The following TNS4 variants were observed in gnomAD, a reference collection of about 807,000 sequenced individuals.
TNS4 encodes the protein tensin-4.
TNS4 carries 46 observed loss-of-function variants against 70.4 expected under a neutral mutation model. The ratio of observed to expected loss-of-function variants is 0.65; its 90% CI spans 0.52 to 0.84. The LOEUF (loss-of-function observed/expected upper bound fraction) is 0.84. TNS4 is among the 40% of genes least tolerant of loss of function. The probability of loss-of-function intolerance (pLI) is 0.00; values close to 1 mark genes in which losing one functional copy is unlikely to be tolerated. For synonymous variants in TNS4, 390 were observed against 366.6 expected, an observed-to-expected ratio of 1.06 and a Z score of -0.73; for missense variants, 863 against 907.0, an observed-to-expected ratio of 0.95 and a Z score of 0.62.
intron 6 of TNS4, 135 bp downstream of exon 6, chr17:40,484,349 T>C (rs1231913128): frequency 1.5e-6 from 2 of 1,343,332 alleles, no homozygotes; most frequent in Non-Finnish European, 2.0e-6. Context: ...AACACTGGGG[T>C]GGACGCTTCT....
intron 1 of TNS4, among the ~76,000 whole-genome samples, chr17:40,497,864 A>G (rs544328603): frequency 5.0e-4 from 76 of 152,310 alleles, no homozygotes; most frequent in African/African-American, 1.8e-3. Context: ...TCATCAGATG[A>G]TATTCATTTC....
chr17:40,483,019 G>C (rs554205801), intron 6 of TNS4, among the ~76,000 whole-genome samples: 2 of 150,826 alleles, frequency 1.3e-5, no homozygotes, highest in African/African-American at 2.4e-5. Context: ...GCATGATCTC[G>C]GCTTACTGCA....
chr17:40,482,875 T>G (rs1251144867), intron 6 of TNS4, among the ~76,000 whole-genome samples: 4 of 151,460 alleles, frequency 2.6e-5, no homozygotes, highest in African/African-American at 9.7e-5. Context: ...AGCCACACCC[T>G]CTTCAGGAAA....
At chr17:40,499,153 G>A (rs908072703) in intron 1 of TNS4, among the ~76,000 whole-genome samples, 4 of 152,154 alleles carry the variant, frequency 2.6e-5, no homozygotes, top group African/African-American at 9.7e-5. Flanking sequence ...TGACCTAATC[G>A]GTTATGTTAT....
chr17:40,480,949 C>G (rs2035914668), intron 8 of TNS4, 181 bp from the exon 9 acceptor site: 1 of 650,456 alleles, frequency 1.5e-6, no homozygotes, highest in African/African-American at 1.9e-5. Context: ...TTTGGGCTCC[C>G]TAAATGCTTA....
chr17:40,486,166 T>A (rs778501354), intron 4 of TNS4, among the ~76,000 whole-genome samples: 1 of 152,292 alleles, frequency 6.6e-6, no homozygotes, highest in East Asian at 1.9e-4. Context: ...GGGTTTGTTC[T>A]TCTTGGACGC....
chr17:40,484,832 T>C, intron 5 of TNS4, 89 bp downstream of exon 5: 1 of 1,504,158 alleles, frequency 6.6e-7, no homozygotes, highest in Middle Eastern at 1.8e-4. Context: ...ACCCACTATT[T>C]GCCATTCCTT....
intron 9 of TNS4, chr17:40,480,161 C>T (rs2035903077): frequency 5.5e-6 from 2 of 360,914 alleles, no homozygotes; most frequent in Non-Finnish European, 1.0e-5. Flanking sequence ...CTCCTCCCCA[C>T]ACCTCCATCT....
chr17:40,481,878 C>G (rs2035925632), intron 8 of TNS4, among the ~76,000 whole-genome samples: 2 of 152,232 alleles, frequency 1.3e-5, no homozygotes, highest in South Asian at 4.1e-4. Flanking sequence ...CGCTAAGAGC[C>G]TTGCCCGGGC....
intron 1 of TNS4, among the ~76,000 whole-genome samples, chr17:40,500,791 TC>T (rs1355671415): frequency 6.6e-6 from 1 of 151,500 alleles, no homozygotes; most frequent in Non-Finnish European, 1.5e-5. Flanking sequence ...CTCCCGATCT[TC>T]CCATCCCTCC....
chr17:40,477,818 C>A (rs946865856), intron 12 of TNS4, 89 bp from the exon 13 acceptor site: 27 of 1,246,828 alleles, frequency 2.2e-5, no homozygotes, highest in South Asian at 1.4e-4. Flanking sequence ...CCTCAGCCTG[C>A]ATCTCATTCC....
At chr17:40,499,382 A>G (rs1447097864) in intron 1 of TNS4, among the ~76,000 whole-genome samples, 1 of 152,156 alleles carries the variant, frequency 6.6e-6, no homozygotes, top group Non-Finnish European at 1.5e-5. Context: ...AGTCTTGCTG[A>G]TGCCCCCGGC....
intron 3 of TNS4, 78 bp downstream of exon 3, chr17:40,488,468 C>T (rs982689265): frequency 1.5e-6 from 2 of 1,356,028 alleles, no homozygotes; most frequent in African/African-American, 2.9e-5. Flanking sequence ...GAGCAGGGTC[C>T]CTTTCAGTGA....
Position 40,482,425 on chromosome 17 carries a change from A to G in TNS4, c.1502-9T>C, listed in dbSNP as rs770200098. 1 of 1,613,244 alleles carries G rather than the reference A, an allele frequency of 6.2e-7. No individual in the cohort carries two copies. The highest frequency in any genetic ancestry group is 8.5e-7 in the Non-Finnish European group (1 of 1,179,574). ...GTCATTGCTGTCCTCACCTGGACAG[A>G]GAAGAAAGAGTGCATTCGGATAGAA... On this transcript the variant is annotated splice_polypyrimidine_tract_variant and intron_variant, in intron 6 of 12. Coordinates refer to ENST00000254051, the MANE Select transcript of TNS4 (RefSeq NM_032865.6).
rs866968105 is a variant in TNS4 at position 40,492,290 on chromosome 17, C to G, written c.440-3321G>C. On this transcript the variant is annotated intron_variant, in intron 2 of 12. Coordinates refer to ENST00000254051, the MANE Select transcript of TNS4 (RefSeq NM_032865.6). Reference sequence around the variant, plus strand: ...ACTGTGAGCCATCACGTACCCACCCCGAGCCTCAGTTTCCTCATCTGTAAA... The same window carrying G: ...ACTGTGAGCCATCACGTACCCACCCGGAGCCTCAGTTTCCTCATCTGTAAA... Among the ~76,000 whole-genome samples, 6 of 152,306 alleles carry G rather than the reference C, an allele frequency of 3.9e-5. No individual in the cohort carries two copies. In the South Asian group the frequency reaches 1.0e-3, roughly 26 times the overall value.
chr17:40,482,188 A>G lies in TNS4; in HGVS notation c.1613T>C (p.Val538Ala). 1.2e-6 allele frequency: 2 copies of G among 1,614,240 alleles called. No homozygotes were observed. The highest frequency in any genetic ancestry group is 2.7e-5 in the African/African-American group (2 of 75,064). The stretch of plus-strand genomic sequence containing the variant: ...CAGGGCCATGATGGAATGCTGGCAC[A>G]CGAAGGCAGAGAGGCTCCCTGAAAG... ...EPYFGSLSAF[V>A]CQHSIMALAL... Residue 538 changes from valine to alanine, a missense_variant, in exon 8 of 13, where the codon GTG becomes GCG. Transcript: ENST00000254051.
chr17:40,484,861 T>C, intron 5 of TNS4, 60 bp downstream of exon 5: 2 of 1,574,948 alleles, frequency 1.3e-6, no homozygotes, highest in Non-Finnish European at 1.7e-6. Flanking sequence ...CCCAGGGCCC[T>C]GCCTGATGCA....
Position 40,487,204 on chromosome 17 carries a change from T to C in TNS4, c.1120A>G (p.Ile374Val), listed in dbSNP as rs2036000759. The C allele has an allele frequency of 6.2e-7, 1 of 1,613,896 alleles. No individual in the cohort carries two copies. Among genetic ancestry groups the C allele is most frequent in the Non-Finnish European group, 8.5e-7 (1 of 1,179,980 alleles). The change falls in exon 4 of 13, where the codon ATT (isoleucine) becomes GTT (valine). Residue 374 changes from isoleucine to valine, a missense_variant. Physicochemically the swap from Ile to Val is conservative, Grantham distance 29. Coordinates refer to ENST00000254051, the MANE Select transcript of TNS4 (RefSeq NM_032865.6). Reference protein sequence around the residue: ...SITNSMVDIPIVLINGCPEPG... With the variant: ...SITNSMVDIPVVLINGCPEPG... ...TCTGGGCAGCCGTTGATCAGCACAA[T>C]GGGTATGTCCACCATGGAGTTGGTG... is the stretch of plus-strand genomic sequence containing the variant.
Position 40,487,056 on chromosome 17 carries a change from G to A in TNS4, c.1268C>T (p.Pro423Leu), listed in dbSNP as rs769032220. 3.7e-6 allele frequency: 6 copies of A among 1,614,174 alleles called. No homozygotes were observed. The highest frequency in any genetic ancestry group is 3.4e-6 in the Non-Finnish European group (4 of 1,180,008). ...RSNSQTLSDA[P>L]FTTCPEGPAR... ...CGTACCCTCTGGGCATGTGGTAAAGGGGGCATCTGACAGGGTCTGGCTGTT... is the reference window on the plus strand; with the variant it reads ...CGTACCCTCTGGGCATGTGGTAAAGAGGGCATCTGACAGGGTCTGGCTGTT... The change falls in exon 4 of 13, where the codon CCC becomes CTC. Residue 423 changes from proline to leucine, a missense_variant. By Grantham distance (98) the Pro-to-Leu change is moderately conservative. Transcript: ENST00000254051.
Sources: allele counts gnomAD v4.1 joint callset (sites outside exome capture counted in the v4.1 genomes callset), GRCh38; gene constraint gnomAD v4.1.1; transcripts MANE v1.5; gene names NCBI Gene and HGNC (gene_info 2026-07-23, HGNC 2026-07-21).